Variants in PLA2G4A observed in about 807,000 individuals in gnomAD.
PLA2G4A encodes phospholipase A2 group IVA.
PLA2G4A carries 40 observed loss-of-function variants against 81.9 expected under a neutral mutation model. That is an observed-to-expected ratio of 0.49 (90% CI 0.38 to 0.64). The LOEUF (loss-of-function observed/expected upper bound fraction) is 0.64. Ranked by LOEUF, PLA2G4A falls within the 30% of genes least tolerant of loss-of-function variation. The probability of loss-of-function intolerance (pLI) is 0.00; values close to 1 mark genes in which losing one functional copy is unlikely to be tolerated. For missense variants in PLA2G4A, 715 were observed against 905.1 expected, an observed-to-expected ratio of 0.79 and a Z score of 2.69; for synonymous variants, 302 against 296.9, an observed-to-expected ratio of 1.02 and a Z score of -0.18.
intron 3 of PLA2G4A, among the ~76,000 whole-genome samples, chr1:186,890,646 G>A (rs1654101586): frequency 6.6e-6 from 1 of 152,038 alleles, no homozygotes; most frequent in South Asian, 2.1e-4. Context: ...AGGAGGTCAG[G>A]AGATCGAGAC....
intron 5 of PLA2G4A, among the ~76,000 whole-genome samples, chr1:186,901,467 G>C (rs2102131962): frequency 6.6e-6 from 1 of 152,260 alleles, no homozygotes; most frequent in African/African-American, 2.4e-5. Flanking sequence ...TAGGCACTTG[G>C]ATCATTTTTG....
chr1:186,848,402 G>A (rs1652261480), intron 1 of PLA2G4A, among the ~76,000 whole-genome samples: 1 of 152,102 alleles, frequency 6.6e-6, no homozygotes, highest in Admixed American at 6.6e-5. Flanking sequence ...AGGCAGGGGA[G>A]GGGAGAAGTC....
chr1:186,876,059 T>G (rs147894992), intron 3 of PLA2G4A, among the ~76,000 whole-genome samples: 1 of 152,242 alleles, frequency 6.6e-6, no homozygotes, highest in African/African-American at 2.4e-5. Flanking sequence ...CTTATGGCCT[T>G]GAGGAAAGAA....
chr1:186,971,054 T>A (rs1190673491), intron 15 of PLA2G4A, among the ~76,000 whole-genome samples: 1 of 151,984 alleles, frequency 6.6e-6, no homozygotes, highest in Non-Finnish European at 1.5e-5. Context: ...ATTGATATTT[T>A]AATTTTTATT....
chr1:186,929,025 T>C (rs1294773896), intron 7 of PLA2G4A, among the ~76,000 whole-genome samples: 1 of 152,228 alleles, frequency 6.6e-6, no homozygotes, highest in Non-Finnish European at 1.5e-5. Flanking sequence ...TGAGCAAGAC[T>C]ATTAAAACTC....
chr1:186,947,572 C>T (rs1378456298), intron 12 of PLA2G4A, among the ~76,000 whole-genome samples: 1 of 152,070 alleles, frequency 6.6e-6, no homozygotes, highest in Non-Finnish European at 1.5e-5. Context: ...TATAGGAATA[C>T]CATAGAAACA....
At chr1:186,899,044 A>G (rs773890306) in intron 5 of PLA2G4A, among the ~76,000 whole-genome samples, 8 of 152,208 alleles carry the variant, frequency 5.3e-5, no homozygotes, top group African/African-American at 1.2e-4. Context: ...ACTTAGCGAG[A>G]CAGATGAAAA....
chr1:186,857,782 G>A (rs1652644756), intron 2 of PLA2G4A, among the ~76,000 whole-genome samples: 1 of 151,826 alleles, frequency 6.6e-6, no homozygotes, highest in Admixed American at 6.6e-5. Flanking sequence ...GCGTTGGTGT[G>A]TGATGTTCCC....
intron 3 of PLA2G4A, among the ~76,000 whole-genome samples, chr1:186,879,294 G>A (rs1031452545): frequency 5.9e-5 from 9 of 151,866 alleles, no homozygotes; most frequent in African/African-American, 1.2e-4. Context: ...TTTTAACTTC[G>A]AAATGAAATA....
chr1:186,884,477 C>T (rs758565201), intron 3 of PLA2G4A, among the ~76,000 whole-genome samples: 44 of 151,986 alleles, frequency 2.9e-4, no homozygotes, highest in Non-Finnish European at 5.3e-4. Flanking sequence ...ATTTACTTTT[C>T]CTAAGAACAA....
At chr1:186,862,947 G>A (rs1189836936) in intron 2 of PLA2G4A, among the ~76,000 whole-genome samples, 2 of 151,966 alleles carry the variant, frequency 1.3e-5, no homozygotes, top group Non-Finnish European at 2.9e-5. Context: ...CACTTTTTTT[G>A]TGTGATGCTA....
In PLA2G4A at chr1:186,956,141, A is replaced by G. The variant is rs1340865694; in HGVS notation, c.1376A>G (p.Asp459Gly). 6.2e-7 allele frequency: 1 copy of G among 1,613,224 alleles called. No homozygotes were observed. Among genetic ancestry groups the G allele is most frequent in the South Asian group, 1.1e-5 (1 of 91,070 alleles). The change falls in exon 14 of 18, where the codon GAT becomes GGT. Residue 459 changes from aspartate (D) to glycine (G), a missense_variant. Asp to Gly is a moderately conservative substitution (Grantham distance 94, BLOSUM62 -1). Coordinates refer to ENST00000367466, the MANE Select transcript of PLA2G4A (RefSeq NM_024420.3). The part of the protein sequence containing the change: ...NEDAGSDYQS[D>G]NQASWIHRMI... ...GATGCTGGAAGTGACTATCAAAGTGATAATCAAGCAAGTTGGATTCATCGT... is the reference window on the plus strand; with the variant it reads ...GATGCTGGAAGTGACTATCAAAGTGGTAATCAAGCAAGTTGGATTCATCGT...
intron 1 of PLA2G4A, among the ~76,000 whole-genome samples, chr1:186,850,928 A>G (rs1401186187): frequency 6.6e-6 from 1 of 152,126 alleles, no homozygotes; most frequent in Admixed American, 6.6e-5. Flanking sequence ...AACAATAATT[A>G]CTACAGATAG....
intron 7 of PLA2G4A, among the ~76,000 whole-genome samples, chr1:186,914,216 A>C (rs1224507268): frequency 2.0e-5 from 3 of 152,200 alleles, no homozygotes; most frequent in East Asian, 1.9e-4. Context: ...CAGTCTCCTA[A>C]GTAGCCAGGA....
At chr1:186,938,568 A>G (rs1049489891) in intron 8 of PLA2G4A, among the ~76,000 whole-genome samples, 9 of 152,158 alleles carry the variant, frequency 5.9e-5, no homozygotes, top group Admixed American at 1.3e-4. Flanking sequence ...AATAGTTGGG[A>G]CAACATATTT....
chr1:186,914,628 T>G (rs1655077173), intron 7 of PLA2G4A, among the ~76,000 whole-genome samples: 1 of 152,114 alleles, frequency 6.6e-6, no homozygotes, highest in African/African-American at 2.4e-5. Context: ...AGGACAGGGA[T>G]TTTCACAGTG....
Position 186,943,622 on chromosome 1 carries a change from G to A in PLA2G4A, c.1034-3015G>A, listed in dbSNP as rs575881474. Reference sequence around the variant, plus strand: ...GATGAAACTTGGATTTAAGTCGAATGTAGAAGGATCTATCAAGTACGGGTA... The same window carrying A: ...GATGAAACTTGGATTTAAGTCGAATATAGAAGGATCTATCAAGTACGGGTA... On this transcript the variant is annotated intron_variant, in intron 10 of 17. Coordinates refer to ENST00000367466, the MANE Select transcript of PLA2G4A (RefSeq NM_024420.3). Among the ~76,000 whole-genome samples, 8 of 152,238 alleles carry A rather than the reference G, an allele frequency of 5.3e-5. No individual in the cohort carries two copies. In the East Asian group the frequency reaches 1.4e-3, roughly 26 times the overall value.
At chr1:186,938,217 T>C (rs1373201846) in intron 8 of PLA2G4A, among the ~76,000 whole-genome samples, 1 of 152,058 alleles carries the variant, frequency 6.6e-6, no homozygotes, top group Non-Finnish European at 1.5e-5. Flanking sequence ...GGGAAACAGA[T>C]AAGTAAACGA....
chr1:186,900,222 G>A (rs965103708), intron 5 of PLA2G4A, among the ~76,000 whole-genome samples: 7 of 152,088 alleles, frequency 4.6e-5, no homozygotes, highest in African/African-American at 1.2e-4. Context: ...CCATGTGATG[G>A]TGGACATGTT....
Sources: gnomAD v4.1 joint callset for allele counts (sites outside exome capture counted in the v4.1 genomes callset) on GRCh38, gnomAD v4.1.1 for gene constraint, MANE v1.5 for transcripts, NCBI Gene and HGNC (gene_info 2026-07-23, HGNC 2026-07-21) for gene names.